Variants in RAPSN observed in about 807,000 individuals in gnomAD.
RAPSN encodes receptor associated protein of the synapse, also known as 43 kDa receptor-associated protein of the synapse.
A neutral mutation model predicts 45.7 loss-of-function variants in RAPSN; 33 were observed. The ratio of observed to expected loss-of-function variants is 0.72; its 90% CI spans 0.55 to 0.97. The LOEUF (loss-of-function observed/expected upper bound fraction) is 0.97, where lower values mean the gene tolerates loss of function less well. Ranked by LOEUF, RAPSN falls within the 50% of genes least tolerant of loss-of-function variation. The probability of loss-of-function intolerance (pLI) is 0.00; values close to 1 mark genes in which losing one functional copy is unlikely to be tolerated. For missense variants in RAPSN, 519 were observed against 559.4 expected (o/e 0.93, Z 0.73); for synonymous variants, 244 against 233.6 (o/e 1.04, Z -0.40).
Position 47,448,832 on chromosome 11 carries a change from C to G in RAPSN, c.133G>C (p.Val45Leu), listed in dbSNP as rs121909254. The G allele has an allele frequency of 1.9e-6, 3 of 1,613,814 alleles. No homozygotes were observed. The highest frequency in any genetic ancestry group is 1.7e-6 in the Non-Finnish European group (2 of 1,180,050). Residue 45 changes from valine to leucine, a missense_variant, in exon 1 of 8, where the codon GTG becomes CTG. Coordinates refer to ENST00000298854, the MANE Select transcript of RAPSN (RefSeq NM_005055.5). ...TGGGCTGTGACCAGGCAGCCCAGCA[C>G]GCGGAAGCGCCCCATGAGGTCCGAG... ...KSSDLMGRFR[V>L]LGCLVTAHSE... is the part of the protein sequence containing the mutation.
chr11:47,441,737 C>G lies in RAPSN; in HGVS notation c.790-4G>C, dbSNP rs1185527671. The G allele has an allele frequency of 8.7e-6, 14 of 1,606,464 alleles. No homozygotes were observed. Among genetic ancestry groups the G allele is most frequent in the Non-Finnish European group, 8.5e-6 (10 of 1,179,866 alleles). On this transcript the variant is annotated splice_region_variant and splice_polypyrimidine_tract_variant and intron_variant, in intron 4 of 7. Coordinates refer to ENST00000298854, the MANE Select transcript of RAPSN (RefSeq NM_005055.5). ...AGTCGTACCTGGGGAAGGCTGTCTG[C>G]AGAGCCAGGTGGGGGATGGAATCAG...
At position 47,438,673 on chromosome 11, in the gene RAPSN, C is replaced by G. The variant is rs113728340; in HGVS notation, c.1166+59G>C. The G allele has an allele frequency of 2.6e-6, 4 of 1,540,184 alleles. No homozygotes were observed. The South Asian group carries it at 4.8e-5, about 18-fold the overall frequency. ...TATTGCTGTGATTAAGCCAGCTGGG[C>G]CCTAGAGTGCCCCGAAGAGATCCTG... On this transcript the variant is annotated intron_variant, in intron 7 of 7. Transcript: ENST00000298854.
Position 47,447,195 on chromosome 11 carries a change from C to T in RAPSN, c.531+617G>A, listed in dbSNP as rs549907667. ...TTCAAGCCATCAAACATCACCTCTG[C>T]GAGGCCCTCCGACCACTATATTTGA... On this transcript the variant is annotated intron_variant, in intron 2 of 7. Transcript: ENST00000298854. Among the ~76,000 whole-genome samples, 5 of 152,270 alleles carry T rather than the reference C, an allele frequency of 3.3e-5. 1 individual carries two copies. The highest frequency in any genetic ancestry group is 1.2e-4 in the African/African-American group (5 of 41,548).
At position 47,437,964 on chromosome 11, in the gene RAPSN, G is replaced by A; in HGVS notation, c.*11C>T. The stretch of plus-strand genomic sequence containing the variant: ...AGTGGCGAGGAGGAAGCCCACGCCT[G>A]CTGCCAGGAGTCATACAAAGCCAGG... On this transcript the variant is annotated 3_prime_UTR_variant, in exon 8 of 8. Transcript: ENST00000298854. 1 of 1,550,932 alleles carries A rather than the reference G, an allele frequency of 6.4e-7. No homozygotes were observed. Among genetic ancestry groups the A allele is most frequent in the East Asian group, 2.4e-5 (1 of 40,908 alleles).
chr11:47,438,156 C>T, intron 7 of RAPSN, 109 bp from the exon 8 acceptor site: 7 of 1,293,268 alleles, frequency 5.4e-6, no homozygotes, highest in Non-Finnish European at 7.6e-6. Flanking sequence ...ATCCTGGTGG[C>T]TGTTCAGCAG....
At position 47,441,177 on chromosome 11, in the gene RAPSN, G is replaced by T. The variant is rs374676714; in HGVS notation, c.948C>A (p.Ala316=). 1.3e-5 allele frequency: 21 copies of T among 1,613,908 alleles called. No individual in the cohort carries two copies. Among genetic ancestry groups the T allele is most frequent in the Non-Finnish European group, 1.8e-5 (21 of 1,180,016 alleles). ...LDAIERAQDL[A]EEVGNKLSQL... is the part of the protein sequence containing the mutation. The stretch of plus-strand genomic sequence containing the variant: ...GTCTGACCTTGTTCCCCACCTCCTC[G>T]GCCAGATCCTGGGCTCTCTCGATGG... Residue 316 remains alanine (A), a synonymous_variant, in exon 6 of 8, where the codon GCC becomes GCA. Transcript: ENST00000298854.
At chr11:47,442,061 C>T (rs1450681665) in intron 3 of RAPSN, 140 bp from the exon 4 acceptor site, 10 of 901,846 alleles carry the variant, frequency 1.1e-5, no homozygotes, top group Non-Finnish European at 1.7e-5. Flanking sequence ...GTGCTGAGGG[C>T]TCACACACTG....
In RAPSN at chr11:47,437,870, T is replaced by C; in HGVS notation, c.*105A>G. ...TGGGCAGGCCCCAAGGCCTTGGCTA[T>C]GGTGAGGACGACCTGGCAGCTGCCC... On this transcript the variant is annotated 3_prime_UTR_variant, in exon 8 of 8. Coordinates refer to ENST00000298854, the MANE Select transcript of RAPSN (RefSeq NM_005055.5). The C allele has an allele frequency of 7.0e-7, 1 of 1,438,300 alleles. No homozygotes were observed. 89.1% of individuals were successfully genotyped at this position (1,438,300 alleles called of 1,614,324 possible). A position where few individuals can be genotyped will look rare whatever the true frequency, so the allele number is the denominator to read the frequency against.
intron 2 of RAPSN, among the ~76,000 whole-genome samples, chr11:47,445,929 CTTTT>C (rs759897915): frequency 2.1e-5 from 3 of 144,608 alleles, no homozygotes; most frequent in Non-Finnish European, 4.6e-5. Flanking sequence ...CACACTTGGG[CTTTT>C]TTTTTTTTTC....
rs794727796 is a variant in RAPSN, at chr11:47,441,168, C to G, written c.957G>C (p.Val319=). ...CAGAATCAAGTCTGACCTTGTTCCC[C>G]ACCTCCTCGGCCAGATCCTGGGCTC... is the stretch of plus-strand genomic sequence containing the variant. ...IERAQDLAEE[V]GNKLSQLKLH... The change falls in exon 6 of 8, where the codon GTG becomes GTC. Residue 319 remains valine, a synonymous_variant. Coordinates refer to ENST00000298854, the MANE Select transcript of RAPSN (RefSeq NM_005055.5). The G allele has an allele frequency of 5.0e-6, 8 of 1,613,988 alleles. No individual in the cohort carries two copies. The highest frequency in any genetic ancestry group is 2.7e-5 in the African/African-American group (2 of 74,932).
In RAPSN at chr11:47,438,719, C is replaced by G. The variant is rs745720985; in HGVS notation, c.1166+13G>C. ...TCCTGCCCACCCCTGTCCACCCCCC[C>G]AGGAGCCCCCACCTGAGGTGGAAGA... On this transcript the variant is annotated intron_variant, in intron 7 of 7. Coordinates refer to ENST00000298854, the MANE Select transcript of RAPSN (RefSeq NM_005055.5). 50 of 1,555,830 alleles carry G rather than the reference C, an allele frequency of 3.2e-5. No homozygotes were observed. In the Admixed American group the frequency reaches 4.2e-4, roughly 13 times the overall value.
chr11:47,444,137 A>AC (rs911327386), intron 2 of RAPSN, among the ~76,000 whole-genome samples: 1 of 151,608 alleles, frequency 6.6e-6, no homozygotes, highest in Non-Finnish European at 1.5e-5. Context: ...AGTGTCAATA[A>AC]CCCCCCCAAA....
At chr11:47,442,610 C>A in intron 3 of RAPSN, 46 bp downstream of exon 3, 4 of 1,600,606 alleles carry the variant, frequency 2.5e-6, no homozygotes, top group Non-Finnish European at 3.4e-6. Context: ...CAGCCCCTGG[C>A]CCACACCACC....
intron 6 of RAPSN, among the ~76,000 whole-genome samples, chr11:47,440,344 C>T (rs2076353191): frequency 6.6e-6 from 1 of 152,186 alleles, no homozygotes; most frequent in Admixed American, 6.5e-5. Flanking sequence ...GTGGAGCAAT[C>T]ACAGCTCACT....
chr11:47,447,621 C>T (rs949586214), intron 2 of RAPSN, among the ~76,000 whole-genome samples, 191 bp downstream of exon 2: 1 of 152,228 alleles, frequency 6.6e-6, no homozygotes, highest in African/African-American at 2.4e-5. Context: ...AGGTTTGAAT[C>T]CTGGCTCTGC....
chr11:47,445,028 C>G (rs946111467), intron 2 of RAPSN, among the ~76,000 whole-genome samples: 1 of 151,716 alleles, frequency 6.6e-6, no homozygotes, highest in Non-Finnish European at 1.5e-5. Context: ...TCCAGACCAT[C>G]CTGGCTAACA....
intron 4 of RAPSN, 33 bp from the exon 5 acceptor site, chr11:47,441,766 G>A (rs1374264152): frequency 1.9e-6 from 3 of 1,603,318 alleles, no homozygotes; most frequent in Non-Finnish European, 2.5e-6. Context: ...GAATCAGGCT[G>A]TATCAGGCCT....
chr11:47,447,754 C>T lies in RAPSN; in HGVS notation c.531+58G>A, dbSNP rs1253473260. On this transcript the variant is annotated intron_variant, in intron 2 of 7. Transcript: ENST00000298854. ...TGAGGTAGTGCCACAGGGTGTGTGC[C>T]TCATGAGAGGGGAGCCCCAAAACCC... 5 of 1,535,614 alleles carry T rather than the reference C, an allele frequency of 3.3e-6. No homozygotes were observed. The East Asian group carries it at 7.2e-5, about 22-fold the overall frequency.
intron 7 of RAPSN, chr11:47,438,435 G>C: frequency 1.8e-6 from 1 of 569,434 alleles, no homozygotes; most frequent in Non-Finnish European, 3.1e-6. Context: ...TGATTCTCCT[G>C]CCTCAGCCTC....
Sources: gnomAD v4.1 joint callset for allele counts (sites outside exome capture counted in the v4.1 genomes callset) on GRCh38, gnomAD v4.1.1 for gene constraint, MANE v1.5 for transcripts, NCBI Gene and HGNC (gene_info 2026-07-23, HGNC 2026-07-21) for gene names.